The following FRMD4B variants were observed in gnomAD, a reference collection of about 807,000 sequenced individuals.
FRMD4B encodes FERM domain-containing protein 4B.
A neutral mutation model predicts 141.5 loss-of-function variants in FRMD4B; 74 were observed. The ratio of observed to expected loss-of-function variants is 0.52; its 90% CI spans 0.43 to 0.63. The LOEUF is 0.63. Ranked by LOEUF, FRMD4B falls within the 30% of genes least tolerant of loss-of-function variation. The probability of loss-of-function intolerance (pLI) is 0.00; values close to 1 mark genes in which losing one functional copy is unlikely to be tolerated. For synonymous variants in FRMD4B, 506 were observed against 467.9 expected (o/e 1.08, Z -1.05); for missense variants, 1,366 against 1,253.4 (o/e 1.09, Z -1.36).
intron 4 of FRMD4B, among the ~76,000 whole-genome samples, chr3:69,294,274 C>T (rs967989167): frequency 1.3e-5 from 2 of 152,194 alleles, no homozygotes; most frequent in Non-Finnish European, 2.9e-5. Flanking sequence ...ATCAGATCCT[C>T]ATCCACATTC....
At chr3:69,207,346 C>A (rs6771291) in intron 11 of FRMD4B, among the ~76,000 whole-genome samples, 101,500 of 149,962 alleles carry the variant, frequency 0.68, 35,974 homozygotes, top group Non-Finnish European at 0.78. Flanking sequence ...GAAAATAAAT[C>A]TTTACTGTTT....
chr3:69,184,787 C>T (rs1456738009), intron 19 of FRMD4B, among the ~76,000 whole-genome samples: 1 of 152,198 alleles, frequency 6.6e-6, no homozygotes, highest in Non-Finnish European at 1.5e-5. Context: ...TCTGTTCTGA[C>T]CAATATGATA....
At chr3:69,329,749 C>A (rs1027105535) in intron 1 of FRMD4B, among the ~76,000 whole-genome samples, 1 of 151,366 alleles carries the variant, frequency 6.6e-6, no homozygotes, top group Non-Finnish European at 1.5e-5. Context: ...CCAGGCTGGT[C>A]TCAAACTCCT....
chr3:69,208,641 G>A (rs1045011185), intron 11 of FRMD4B, among the ~76,000 whole-genome samples: 39 of 152,012 alleles, frequency 2.6e-4, no homozygotes, highest in African/African-American at 9.2e-4. Flanking sequence ...GGCTTTCCCT[G>A]AACACACCAA....
rs992473620 is a variant in FRMD4B, at chr3:69,308,736, G to A, written c.323+2527C>T. On this transcript the variant is annotated intron_variant, in intron 3 of 22. Coordinates refer to ENST00000398540, the MANE Select transcript of FRMD4B (RefSeq NM_015123.3). Reference sequence around the variant, plus strand: ...ATTAGAGGTGTGAGCCACTGTGCCCGGCCTTGTTTTTTTTCTCGCAAAAAA... The same window carrying A: ...ATTAGAGGTGTGAGCCACTGTGCCCAGCCTTGTTTTTTTTCTCGCAAAAAA... 3.3e-5 allele frequency among the ~76,000 whole-genome samples: 5 copies of A among 151,910 alleles called. No homozygotes were observed. The East Asian group carries it at 5.8e-4, about 18-fold the overall frequency.
intron 1 of FRMD4B, chr3:69,536,195 T>A: frequency 1.7e-6 from 1 of 576,444 alleles, no homozygotes; most frequent in East Asian, 3.4e-5. Flanking sequence ...CTTGCCCGCG[T>A]TAGGAGGATC....
chr3:69,322,981 T>G (rs565844611), intron 1 of FRMD4B: 2 of 938,894 alleles, frequency 2.1e-6, no homozygotes, highest in South Asian at 4.9e-5. Context: ...AATCTCAGGT[T>G]CCATCAGTCG....
intron 1 of FRMD4B, among the ~76,000 whole-genome samples, chr3:69,516,011 G>A (rs1700752144): frequency 1.3e-5 from 2 of 152,056 alleles, no homozygotes; most frequent in African/African-American, 4.8e-5. Flanking sequence ...GGAACATTGG[G>A]GCTAGGAGTT....
chr3:69,460,736 T>C (rs1033734980), intron 1 of FRMD4B, among the ~76,000 whole-genome samples: 1 of 152,110 alleles, frequency 6.6e-6, no homozygotes, highest in Non-Finnish European at 1.5e-5. Flanking sequence ...TTTGACCAGG[T>C]TACCCACAGC....
At chr3:69,223,958 A>G (rs1301359142) in intron 8 of FRMD4B, among the ~76,000 whole-genome samples, 1 of 152,238 alleles carries the variant, frequency 6.6e-6, no homozygotes, top group African/African-American at 2.4e-5. Flanking sequence ...TTCCAACTTC[A>G]TACTAAATGT....
At chr3:69,390,227 G>A (rs921262077), upstream of FRMD4B, among the ~76,000 whole-genome samples, 3 of 152,114 alleles carry the variant, frequency 2.0e-5, no homozygotes, top group African/African-American at 7.2e-5. Context: ...CCCTCTGCCT[G>A]GCAAAAACAC....
intron 1 of FRMD4B, among the ~76,000 whole-genome samples, chr3:69,495,013 G>A (rs1279960401): frequency 6.6e-6 from 1 of 151,772 alleles, no homozygotes; most frequent in African/African-American, 2.4e-5. Flanking sequence ...GGAGGGAAAG[G>A]TAAGGAAAAC....
At chr3:69,202,794 G>T (rs909301923) in intron 11 of FRMD4B, among the ~76,000 whole-genome samples, 1 of 152,242 alleles carries the variant, frequency 6.6e-6, no homozygotes, top group Admixed American at 6.5e-5. Context: ...TCAAAAGAAG[G>T]ATGTAGAGAG....
intron 1 of FRMD4B, among the ~76,000 whole-genome samples, chr3:69,341,240 C>A (rs1219819852): frequency 6.6e-6 from 1 of 152,168 alleles, no homozygotes; most frequent in Non-Finnish European, 1.5e-5. Flanking sequence ...TTACCACGAA[C>A]AACCTCCTAT....
intron 1 of FRMD4B, among the ~76,000 whole-genome samples, chr3:69,461,237 C>T (rs985441887): frequency 3.3e-5 from 5 of 152,132 alleles, no homozygotes; most frequent in Non-Finnish European, 1.5e-5. Context: ...GTACACACCT[C>T]CACTTTAAGA....
At chr3:69,505,743 A>G (rs1391880865) in intron 1 of FRMD4B, among the ~76,000 whole-genome samples, 1 of 152,232 alleles carries the variant, frequency 6.6e-6, no homozygotes, top group African/African-American at 2.4e-5. Context: ...GAAGGAAGTG[A>G]AAATTTGTTT....
At chr3:69,220,212 A>G (rs973681347) in intron 9 of FRMD4B, among the ~76,000 whole-genome samples, 6 of 152,228 alleles carry the variant, frequency 3.9e-5, no homozygotes, top group Admixed American at 2.0e-4. Flanking sequence ...GCTGTATGGT[A>G]TGGCCTATTG....
At chr3:69,342,230 C>T (rs972608243) in intron 1 of FRMD4B, among the ~76,000 whole-genome samples, 1 of 152,190 alleles carries the variant, frequency 6.6e-6, no homozygotes, top group Non-Finnish European at 1.5e-5. Flanking sequence ...AAGATGAACA[C>T]TTGACCTGAA....
chr3:69,381,843 C>T (rs1704127849), intron 1 of FRMD4B, among the ~76,000 whole-genome samples: 1 of 152,164 alleles, frequency 6.6e-6, no homozygotes, highest in African/African-American at 2.4e-5. Context: ...TTCAGCCAAA[C>T]ATTTTGCCTT....
Sources: gnomAD v4.1 joint callset for allele counts (sites outside exome capture counted in the v4.1 genomes callset) on GRCh38, gnomAD v4.1.1 for gene constraint, MANE v1.5 for transcripts, NCBI Gene and HGNC (gene_info 2026-07-23, HGNC 2026-07-21) for gene names.